The following CHD7 variants were observed in gnomAD, a reference collection of about 807,000 sequenced individuals.
The protein encoded by CHD7 is chromodomain helicase DNA binding protein 7, also known as ATP-dependent chromatin remodeler CHD7.
Under a neutral mutation model 307.3 loss-of-function variants are expected in CHD7, and 24 were observed. The ratio of observed to expected loss-of-function variants is 0.08; its 90% CI spans 0.06 to 0.11. CHD7 has a LOEUF of 0.11. CHD7 is among the 10% of genes least tolerant of loss of function. CHD7 has a pLI of 1.00. For missense variants in CHD7, 3,106 were observed against 3,727.1 expected (o/e 0.83, Z 4.34); for synonymous variants, 1,363 against 1,349.9 (o/e 1.01, Z -0.21).
intron 7 of CHD7, among the ~76,000 whole-genome samples, chr8:60,811,565 C>T (rs1812808381): frequency 6.6e-6 from 1 of 152,158 alleles, no homozygotes; most frequent in Admixed American, 6.6e-5. Context: ...ACCATTCAAC[C>T]AGCCTCCTGT....
chr8:60,799,858 G>A (rs949801953), intron 4 of CHD7, among the ~76,000 whole-genome samples: 2 of 152,134 alleles, frequency 1.3e-5, no homozygotes, highest in Non-Finnish European at 2.9e-5. Flanking sequence ...GTAGCTGGGA[G>A]TGGCAGGGCT....
chr8:60,854,072 A>G (rs534654704), intron 31 of CHD7, among the ~76,000 whole-genome samples: 7 of 152,224 alleles, frequency 4.6e-5, no homozygotes, highest in Non-Finnish European at 1.0e-4. Flanking sequence ...TCTTGAGTCA[A>G]TGACTTGGTT....
chr8:60,744,529 T>G, intron 2 of CHD7, among the ~76,000 whole-genome samples: 1 of 149,894 alleles, frequency 6.7e-6, no homozygotes. Context: ...TCTTCTATGC[T>G]TTTTGTCAGT....
At position 60,845,101 on chromosome 8, in the gene CHD7, A is replaced by G. The variant is rs1246277152; in HGVS notation, c.5050+38A>G. 3 of 1,606,494 alleles carry G rather than the reference A, an allele frequency of 1.9e-6. No homozygotes were observed. The African/African-American group carries it at 4.0e-5, about 22-fold the overall frequency. On this transcript the variant is annotated intron_variant, in intron 22 of 37. Transcript: ENST00000423902. The stretch of plus-strand genomic sequence containing the variant: ...CATGCTGTTTGTGCTACAGGGTCAC[A>G]AAGCCACCAGGAACTTTTGTGACAC...
chr8:60,704,915 C>G (rs1175989387), intron 1 of CHD7, among the ~76,000 whole-genome samples: 5 of 152,132 alleles, frequency 3.3e-5, no homozygotes, highest in Non-Finnish European at 7.3e-5. Context: ...CCTCTAGTCC[C>G]TTGTGTAGTG....
Position 60,741,498 on chromosome 8 carries a change from A to C in CHD7, c.66A>C (p.Glu22Asp). 1.2e-6 allele frequency: 2 copies of C among 1,612,648 alleles called. No homozygotes were observed. Among genetic ancestry groups the C allele is most frequent in the Non-Finnish European group, 1.7e-6 (2 of 1,179,274 alleles). ...EDGNIFSEGLEGLGECGYPEN... is the reference protein window; with the variant it reads ...EDGNIFSEGLDGLGECGYPEN... ...GGAATATTTTCAGTGAAGGTCTTGA[A>C]GGCCTCGGAGAATGTGGTTACCCGG... The change falls in exon 2 of 38, where the codon GAA becomes GAC. Residue 22 changes from glutamate to aspartate, a missense_variant. Transcript: ENST00000423902.
At chr8:60,733,576 G>A (rs968376846) in intron 1 of CHD7, among the ~76,000 whole-genome samples, 2 of 152,182 alleles carry the variant, frequency 1.3e-5, no homozygotes, top group African/African-American at 4.8e-5. Flanking sequence ...GAATTGCAGG[G>A]TGTAAAGGAC....
chr8:60,841,728 T>A lies in CHD7; in HGVS notation c.4618T>A (p.Leu1540Met). 6.2e-7 allele frequency: 1 copy of A among 1,609,286 alleles called. No individual in the cohort carries two copies. The highest frequency in any genetic ancestry group is 8.5e-7 in the Non-Finnish European group (1 of 1,175,806). The change falls in exon 20 of 38, where the codon TTG (leucine) becomes ATG (methionine). Residue 1540 changes from leucine to methionine, a missense_variant. By Grantham distance (15) the Leu-to-Met change is conservative (BLOSUM62 2). Transcript: ENST00000423902. ...FWQKWAKKAELDIDALNGRNN... is the reference protein window; with the variant it reads ...FWQKWAKKAEMDIDALNGRNN... ...GCAAAAGTGGGCTAAGAAGGCTGAA[T>A]TGGATATTGATGCCTTAAATGGGAG...
chr8:60,828,558 G>A (rs1328303661), intron 13 of CHD7, 105 bp from the exon 14 acceptor site: 3 of 1,027,736 alleles, frequency 2.9e-6, no homozygotes, highest in Non-Finnish European at 4.2e-6. Context: ...CTTTGCATAG[G>A]GTAGATGAGT....
intron 14 of CHD7, 46 bp downstream of exon 14, chr8:60,828,852 T>C (rs935652074): frequency 2.5e-5 from 40 of 1,568,868 alleles, no homozygotes; most frequent in Non-Finnish European, 3.3e-5. Flanking sequence ...AATTGAAGAT[T>C]AGCCCATGAA....
At position 60,836,211 on chromosome 8, in the gene CHD7, G is replaced by A; in HGVS notation, c.3917G>A (p.Gly1306Asp). Residue 1306 changes from glycine to aspartate, a missense_variant, in exon 16 of 38, where the codon GGC becomes GAC. Physicochemically the swap from Gly to Asp is moderately conservative, Grantham distance 94. Transcript: ENST00000423902. ...CTGCTGCCAAAACTGAAGGCTGGTG[G>A]CCACAGGGTGCTTATCTTTTCCCAG... is the stretch of plus-strand genomic sequence containing the variant. ...DKLLPKLKAG[G>D]HRVLIFSQMV... The A allele has an allele frequency of 6.2e-7, 1 of 1,614,002 alleles. No individual in the cohort carries two copies.
At chr8:60,815,328 A>G (rs1803676987) in intron 7 of CHD7, among the ~76,000 whole-genome samples, 1 of 152,162 alleles carries the variant, frequency 6.6e-6, no homozygotes, top group Non-Finnish European at 1.5e-5. Context: ...GACTTCTGTG[A>G]ACTAAAGCAC....
rs141911982 is a variant in CHD7, at chr8:60,792,710, A to G, written c.2097-2276A>G. 3.6e-4 allele frequency among the ~76,000 whole-genome samples: 55 copies of G among 152,260 alleles called. No individual in the cohort carries two copies. The East Asian group carries it at 9.3e-3, about 26-fold the overall frequency. Reference sequence around the variant, plus strand: ...AACCTGGGCTCTGGTCGGTTTCCAGATAGTAAGCCTTTTACTCCTGTAGGA... The same window carrying G: ...AACCTGGGCTCTGGTCGGTTTCCAGGTAGTAAGCCTTTTACTCCTGTAGGA... On this transcript the variant is annotated intron_variant, in intron 3 of 37. Transcript: ENST00000423902.
chr8:60,856,696 A>G lies in CHD7; in HGVS notation c.7416A>G (p.Thr2472=), dbSNP rs769395535. 1.3e-5 allele frequency: 21 copies of G among 1,614,034 alleles called. 1 individual carries two copies. Among genetic ancestry groups the G allele is most frequent in the Non-Finnish European group, 1.7e-5 (20 of 1,179,904 alleles). ...AGTTTATCTTGCCTAATGTCTCAAC[A>G]CCAGTGTCTGATGCCTTTAAGACTC... ...SSKFILPNVS[T]PVSDAFKTQM... is the part of the protein sequence containing the mutation. The change falls in exon 34 of 38, where the codon ACA becomes ACG. Residue 2472 remains threonine, a synonymous_variant. Transcript: ENST00000423902.
intron 34 of CHD7, 54 bp downstream of exon 34, chr8:60,856,942 C>G: frequency 6.9e-7 from 1 of 1,454,820 alleles, no homozygotes; most frequent in Non-Finnish European, 9.3e-7. Flanking sequence ...AGCTGAGGGT[C>G]CTGTGATGCT....
In CHD7 at chr8:60,821,854, G is replaced by A; in HGVS notation, c.2762G>A (p.Arg921Lys). The stretch of plus-strand genomic sequence containing the variant: ...TATGAAGACAGCACGTGGGAGCGGA[G>A]GCAGGACATAGATCAAGCAAAGATC... The part of the protein sequence containing the change: ...LPYEDSTWER[R>K]QDIDQAKIEE... The change falls in exon 10 of 38, where the codon AGG (arginine) becomes AAG (lysine). Residue 921 changes from arginine to lysine, a missense_variant. Around this residue, in one of 10 missense-constraint regions of CHD7, gnomAD observed 188 missense variants for 261.7 expected, o/e 0.72. Transcript: ENST00000423902. 2 of 1,600,154 alleles carry A rather than the reference G, an allele frequency of 1.2e-6. No homozygotes were observed. Among genetic ancestry groups the A allele is most frequent in the Non-Finnish European group, 1.7e-6 (2 of 1,172,724 alleles).
chr8:60,746,537 G>A lies in CHD7; in HGVS notation c.1665+3440G>A, dbSNP rs186283524. On this transcript the variant is annotated intron_variant, in intron 2 of 37. Transcript: ENST00000423902. Reference sequence around the variant, plus strand: ...GGCTCAATACTATACCAGGTATCAGGGAAGATACCAGATTAGGTTGAAATG... The same window carrying A: ...GGCTCAATACTATACCAGGTATCAGAGAAGATACCAGATTAGGTTGAAATG... 6.1e-3 allele frequency among the ~76,000 whole-genome samples: 926 copies of A among 152,222 alleles called. 5 individuals carry two copies. Among genetic ancestry groups the A allele is most frequent in the Non-Finnish European group, 0.01 (687 of 67,998 alleles).
chr8:60,809,970 G>C (rs1401617798), intron 7 of CHD7, among the ~76,000 whole-genome samples: 1 of 152,184 alleles, frequency 6.6e-6, no homozygotes, highest in East Asian at 1.9e-4. Context: ...TTTACCGTAA[G>C]GAAGAGCTTT....
intron 9 of CHD7, 96 bp downstream of exon 9, chr8:60,820,186 G>C: frequency 4.2e-6 from 3 of 716,804 alleles, no homozygotes; most frequent in Non-Finnish European, 7.1e-6. Context: ...GTCTTGGTCA[G>C]AGCCTTGGAC....
Sources: gnomAD v4.1 joint callset for allele counts (sites outside exome capture counted in the v4.1 genomes callset) on GRCh38, gnomAD v4.1.1 for gene constraint, gnomAD v4.1.1 regional missense constraint, MANE v1.5 for transcripts, NCBI Gene and HGNC (gene_info 2026-07-23, HGNC 2026-07-21) for gene names.